COL11A1: variants seen among roughly 807,000 people sequenced by gnomAD.
COL11A1 encodes collagen type XI alpha 1 chain, also known as collagen alpha-1(XI) chain.
A neutral mutation model predicts 265.2 loss-of-function variants in COL11A1; 74 were observed. The observed-to-expected ratio is 0.28, with a 90% CI of 0.23 to 0.34. The LOEUF (loss-of-function observed/expected upper bound fraction) is 0.34. Among genes scored for constraint, COL11A1 ranks in the 10% least tolerant of loss-of-function variants. COL11A1 has a pLI of 1.00. For synonymous variants in COL11A1, 816 were observed against 727.6 expected, an observed-to-expected ratio of 1.12 and a Z score of -1.96; for missense variants, 2,165 against 2,263.6, an observed-to-expected ratio of 0.96 and a Z score of 0.88.
intron 49 of COL11A1, among the ~76,000 whole-genome samples, chr1:102,916,607 C>T (rs1655368867): frequency 6.6e-6 from 1 of 151,984 alleles, no homozygotes; most frequent in African/African-American, 2.4e-5. Context: ...ATAAATGTGT[C>T]ATATTACATA....
rs111841420 is a variant in COL11A1, at chr1:103,004,635, T to C, written c.1872A>G (p.Pro624=). 0.022 allele frequency: 36,200 copies of C among 1,610,560 alleles called. 491 individuals are homozygous for C. Among genetic ancestry groups the C allele is most frequent in the Middle Eastern group, 0.051 (256 of 5,028 alleles). The change falls in exon 19 of 67, where the codon CCA becomes CCG. Residue 624 remains proline, a synonymous_variant. Transcript: ENST00000370096. ...TCATTCCATCATCACCAGGAGGACCTGGAGGACCTTGAGGACCTCGTTCAC... is the reference window on the plus strand; with the variant it reads ...TCATTCCATCATCACCAGGAGGACCCGGAGGACCTTGAGGACCTCGTTCAC... ...HRGERGPQGP[P]GPPGDDGMRG...
At chr1:102,890,637 TA>T (rs1294467563) in intron 57 of COL11A1, 133 bp from the exon 58 acceptor site, 1 of 616,254 alleles carries the variant, frequency 1.6e-6, no homozygotes, top group Non-Finnish European at 2.8e-6. Flanking sequence ...AATGTTGCTT[TA>T]TTTTTAAGGC....
At chr1:102,905,879 G>A (rs1379082300) in intron 54 of COL11A1, among the ~76,000 whole-genome samples, 1 of 151,746 alleles carries the variant, frequency 6.6e-6, no homozygotes, top group Non-Finnish European at 1.5e-5. Context: ...GTTCAGTATT[G>A]GTCACTGCTG....
At chr1:103,100,633 G>A (rs772419151) in intron 1 of COL11A1, 3 of 151,914 alleles carry the variant, frequency 2.0e-5, no homozygotes, top group Non-Finnish European at 4.4e-5. Flanking sequence ...ATTTTCTGTG[G>A]TTTAGCTGCA....
chr1:103,017,783 A>C (rs956089586), intron 11 of COL11A1, 37 bp downstream of exon 11: 2 of 1,521,536 alleles, frequency 1.3e-6, no homozygotes, highest in African/African-American at 2.7e-5. Context: ...TCTGTATGAC[A>C]TGCATTTGTA....
chr1:102,905,515 TAA>T (rs35687179), intron 54 of COL11A1, among the ~76,000 whole-genome samples: 4,983 of 140,048 alleles, frequency 0.036, 112 homozygotes, highest in Middle Eastern at 0.093. Flanking sequence ...CCATATAAGT[TAA>T]AAAAAAAAAA....
intron 38 of COL11A1, among the ~76,000 whole-genome samples, chr1:102,963,546 CAA>C (rs1301875149): frequency 6.6e-6 from 1 of 152,034 alleles, no homozygotes; most frequent in African/African-American, 2.4e-5. Flanking sequence ...TTAAGTTAAA[CAA>C]AGAGAAAATT....
intron 2 of COL11A1, among the ~76,000 whole-genome samples, chr1:103,081,856 C>T (rs981791390): frequency 6.6e-6 from 1 of 151,888 alleles, no homozygotes; most frequent in South Asian, 2.1e-4. Context: ...TAGAGCAGAA[C>T]AGACCTAGAT....
chr1:102,933,447 G>A (rs1339276470), intron 46 of COL11A1, among the ~76,000 whole-genome samples: 18 of 151,416 alleles, frequency 1.2e-4, no homozygotes, highest in East Asian at 5.9e-4. Context: ...CAGTCTGCCT[G>A]TTCTCAGATC....
chr1:102,946,994 A>C, intron 41 of COL11A1, 38 bp from the exon 42 acceptor site: 1 of 1,486,386 alleles, frequency 6.7e-7, no homozygotes, highest in Non-Finnish European at 9.3e-7. Context: ...TTATTAAAGA[A>C]AGTAATACTG....
In COL11A1 at chr1:103,012,422, T is replaced by A. The variant is rs769722770; in HGVS notation, c.1620A>T (p.Pro540=). ...PPGPMGLTGR[P]GPVGGPGSSG... is the part of the protein sequence containing the mutation. Reference sequence around the variant, plus strand: ...TGTTGGGGTAACCTACCACAGGACCTGGTCTTCCAGTTAGACCCATTGGGC... The same window carrying A: ...TGTTGGGGTAACCTACCACAGGACCAGGTCTTCCAGTTAGACCCATTGGGC... Residue 540 remains proline (P), a synonymous_variant, in exon 14 of 67, where the codon CCA becomes CCT. Transcript: ENST00000370096. The A allele has an allele frequency of 6.2e-7, 1 of 1,613,142 alleles. No individual in the cohort carries two copies. The highest frequency in any genetic ancestry group is 1.7e-5 in the Admixed American group (1 of 59,992).
intron 13 of COL11A1, 122 bp from the exon 14 acceptor site, chr1:103,012,591 T>A: frequency 1.3e-6 from 1 of 752,926 alleles, no homozygotes; most frequent in Non-Finnish European, 2.3e-6. Flanking sequence ...AATAACTACA[T>A]GCTAGAAAGA....
intron 46 of COL11A1, among the ~76,000 whole-genome samples, chr1:102,932,269 C>T (rs146182218): frequency 0.034 from 5,169 of 151,978 alleles, 123 homozygotes; most frequent in Middle Eastern, 0.095. Flanking sequence ...CCTTCAGGAG[C>T]TCTTTTAGGG....
At chr1:103,086,047 C>T (rs367827043) in intron 1 of COL11A1, among the ~76,000 whole-genome samples, 9 of 152,134 alleles carry the variant, frequency 5.9e-5, no homozygotes, top group African/African-American at 2.2e-4. Context: ...AATAAAAACT[C>T]TGCAAAAATA....
rs1557896454 is a variant in COL11A1 at position 102,978,735 on chromosome 1, A to G, written c.2727T>C (p.Asp909=). The G allele has an allele frequency of 1.2e-6, 2 of 1,614,212 alleles. No homozygotes were observed. Among genetic ancestry groups the G allele is most frequent in the East Asian group, 2.2e-5 (1 of 44,860 alleles). The change falls in exon 35 of 67, where the codon GAT becomes GAC. Residue 909 remains aspartate, a synonymous_variant. Transcript: ENST00000370096. ...KPGPKGTSGG[D]GPPGPPGERG... The stretch of plus-strand genomic sequence containing the variant: ...TTTCACCTGGAGGGCCAGGAGGGCC[A>G]TCGCCACCTGAAGTGCCCTGGCACC...
intron 1 of COL11A1, among the ~76,000 whole-genome samples, chr1:103,087,444 C>A (rs906422458): frequency 1.3e-5 from 2 of 152,144 alleles, no homozygotes; most frequent in African/African-American, 2.4e-5. Context: ...TTCAAAGAAC[C>A]CCACTGGCTC....
chr1:102,892,121 A>C (rs915519496), intron 57 of COL11A1, among the ~76,000 whole-genome samples: 4 of 152,192 alleles, frequency 2.6e-5, no homozygotes, highest in African/African-American at 9.6e-5. Flanking sequence ...GCTTGCCGCA[A>C]GTCCTAAGGC....
At chr1:102,970,334 G>A (rs1661841533) in intron 36 of COL11A1, 62 bp from the exon 37 acceptor site, 10 of 1,328,566 alleles carry the variant, frequency 7.5e-6, no homozygotes, top group Non-Finnish European at 9.5e-6. Flanking sequence ...TAGTCTAAAT[G>A]TGACATGTTA....
Position 103,108,344 on chromosome 1 carries a change from T to C in COL11A1, c.-166A>G. The C allele has an allele frequency of 1.5e-6, 1 of 681,214 alleles. No individual in the cohort carries two copies. Among genetic ancestry groups the C allele is most frequent in the Non-Finnish European group, 2.7e-6 (1 of 377,290 alleles). 42.2% of individuals were successfully genotyped at this position (681,214 alleles called of 1,614,324 possible). A position where few individuals can be genotyped will look rare whatever the true frequency, so the allele number is the denominator to read the frequency against. ...TTTCTTCTAAATTTGATGGTTTGCGTTCTTCGTGTCTCTAGCCCTTTCCTC... is the reference window on the plus strand; with the variant it reads ...TTTCTTCTAAATTTGATGGTTTGCGCTCTTCGTGTCTCTAGCCCTTTCCTC... On this transcript the variant is annotated 5_prime_UTR_variant, in exon 1 of 67. Transcript: ENST00000370096.
Sources: allele counts gnomAD v4.1 joint callset (sites outside exome capture counted in the v4.1 genomes callset), GRCh38; gene constraint gnomAD v4.1.1; transcripts MANE v1.5; gene names NCBI Gene and HGNC (gene_info 2026-07-23, HGNC 2026-07-21).